The following NAALADL2 variants were observed in gnomAD, a reference collection of about 807,000 sequenced individuals.
NAALADL2 encodes the protein N-acetylated alpha-linked acidic dipeptidase like 2, also known as inactive N-acetylated-alpha-linked acidic dipeptidase-like protein 2.
Under a neutral mutation model 87.2 loss-of-function variants are expected in NAALADL2, and 76 were observed. That is an observed-to-expected ratio of 0.87 (90% CI 0.72 to 1.05). NAALADL2 has a LOEUF of 1.05. NAALADL2 is among the 50% of genes least tolerant of loss of function. The pLI is 0.00. For missense variants in NAALADL2, 1,089 were observed against 945.8 expected (o/e 1.15, Z -1.99); for synonymous variants, 354 against 331.0 (o/e 1.07, Z -0.75).
intron 2 of NAALADL2, among the ~76,000 whole-genome samples, chr3:174,674,634 C>T (rs1248867246): frequency 6.6e-6 from 1 of 151,860 alleles, no homozygotes; most frequent in Non-Finnish European, 1.5e-5. Flanking sequence ...CTTATCTACC[C>T]TTTTATTGGG....
intron 11 of NAALADL2, among the ~76,000 whole-genome samples, chr3:175,631,407 C>G (rs769208491): frequency 6.6e-6 from 1 of 150,536 alleles, no homozygotes; most frequent in Non-Finnish European, 1.5e-5. Flanking sequence ...GGGATGTGAA[C>G]TGTGAGTCCT....
At chr3:174,458,767 G>T (rs947165165) in intron 1 of NAALADL2, among the ~76,000 whole-genome samples, 6 of 152,190 alleles carry the variant, frequency 3.9e-5, no homozygotes, top group Non-Finnish European at 8.8e-5. Context: ...TGTTGTGGCT[G>T]CTTCACTGCC....
chr3:175,306,980 A>T (rs932276002), intron 4 of NAALADL2, among the ~76,000 whole-genome samples: 1 of 152,194 alleles, frequency 6.6e-6, no homozygotes, highest in African/African-American at 2.4e-5. Context: ...TGTGATCTCA[A>T]TCTGAATCCT....
At chr3:175,028,184 T>G (rs1189376625) in intron 1 of NAALADL2, among the ~76,000 whole-genome samples, 2 of 152,120 alleles carry the variant, frequency 1.3e-5, no homozygotes, top group Non-Finnish European at 2.9e-5. Flanking sequence ...GAGTCACTGA[T>G]TCTTTCTCCT....
intron 1 of NAALADL2, among the ~76,000 whole-genome samples, chr3:174,905,617 T>A (rs79060236): frequency 0.01 from 1,575 of 152,188 alleles, 37 homozygotes; most frequent in African/African-American, 0.034. Flanking sequence ...CTTCATTCTT[T>A]TATTTCTTCC....
At chr3:174,924,921 G>A (rs1336369764) in intron 1 of NAALADL2, among the ~76,000 whole-genome samples, 1 of 152,058 alleles carries the variant, frequency 6.6e-6, no homozygotes, top group African/African-American at 2.4e-5. Flanking sequence ...GGGGTTGTTT[G>A]TTTTTTTCTT....
At chr3:175,001,809 C>T (rs936542051) in intron 1 of NAALADL2, among the ~76,000 whole-genome samples, 1 of 151,994 alleles carries the variant, frequency 6.6e-6, no homozygotes, top group Non-Finnish European at 1.5e-5. Flanking sequence ...AGCTGAAAAC[C>T]CCAAATCTAA....
chr3:174,602,392 T>C (rs564316468), intron 2 of NAALADL2, among the ~76,000 whole-genome samples: 37 of 152,190 alleles, frequency 2.4e-4, no homozygotes, highest in Non-Finnish European at 3.8e-4. Context: ...GAGATTACTT[T>C]CTTGGCTTCT....
At chr3:174,811,125 G>A (rs2109295478) in intron 3 of NAALADL2, among the ~76,000 whole-genome samples, 1 of 152,318 alleles carries the variant, frequency 6.6e-6, no homozygotes, top group East Asian at 1.9e-4. Flanking sequence ...GGCAGAAACT[G>A]GCTTCAGGGG....
At chr3:175,134,433 G>A (rs534834737) in intron 2 of NAALADL2, among the ~76,000 whole-genome samples, 1 of 88,664 alleles carries the variant, frequency 1.1e-5, no homozygotes, top group Admixed American at 1.1e-4. Flanking sequence ...CAGCTTTTTT[G>A]GGGGGGTCCT....
intron 1 of NAALADL2, among the ~76,000 whole-genome samples, chr3:175,048,429 G>C (rs999065402): frequency 6.6e-6 from 1 of 151,894 alleles, no homozygotes; most frequent in Non-Finnish European, 1.5e-5. Flanking sequence ...TAATGTTTTC[G>C]GTGTGCTTGC....
At chr3:175,561,410 C>T (rs1030866847) in intron 9 of NAALADL2, among the ~76,000 whole-genome samples, 13 of 152,116 alleles carry the variant, frequency 8.5e-5, no homozygotes, top group African/African-American at 3.1e-4. Flanking sequence ...AATATTTTTT[C>T]AAATATTTTT....
chr3:175,635,676 A>T (rs377657053), intron 11 of NAALADL2, among the ~76,000 whole-genome samples: 13 of 152,092 alleles, frequency 8.5e-5, no homozygotes, highest in Admixed American at 7.9e-4. Context: ...TATTTTAGGG[A>T]TCTGTCAATA....
At chr3:174,597,451 G>T (rs751775047) in intron 2 of NAALADL2, among the ~76,000 whole-genome samples, 1 of 152,206 alleles carries the variant, frequency 6.6e-6, no homozygotes. Flanking sequence ...GAACTCTCCT[G>T]AAATCTATGT....
chr3:175,266,251 C>T (rs1751915367), intron 4 of NAALADL2, among the ~76,000 whole-genome samples: 3 of 150,996 alleles, frequency 2.0e-5, no homozygotes, highest in African/African-American at 7.2e-5. Context: ...CATCTAACAT[C>T]TTAATTATTT....
At chr3:174,678,165 C>G (rs16863259) in intron 2 of NAALADL2, among the ~76,000 whole-genome samples, 2 of 152,064 alleles carry the variant, frequency 1.3e-5, no homozygotes, top group Non-Finnish European at 2.9e-5. Context: ...CTGCTTTACA[C>G]ACACTACCTT....
chr3:174,881,584 T>C (rs1729201203), intron 1 of NAALADL2, among the ~76,000 whole-genome samples: 1 of 152,108 alleles, frequency 6.6e-6, no homozygotes, highest in African/African-American at 2.4e-5. Context: ...TTTATGTTTG[T>C]TGGTTTATTA....
chr3:175,343,670 T>TTTTTTTTTTTTTTTTTTTTTTTTTTTTTA (rs1762826213), intron 5 of NAALADL2, among the ~76,000 whole-genome samples: 1 of 144,726 alleles, frequency 6.9e-6, no homozygotes, highest in African/African-American at 2.5e-5. Context: ...TTTTTTTTTT[T>TTTTTTTTTTTTTTTTTTTTTTTTTTTTTA]TTTTTTCCCT....
intron 9 of NAALADL2, among the ~76,000 whole-genome samples, chr3:175,544,234 T>C (rs1051881461): frequency 3.3e-5 from 5 of 152,290 alleles, no homozygotes; most frequent in Middle Eastern, 3.4e-3. Context: ...CCTTGATGAG[T>C]AAATTATTTT....
Sources: gnomAD v4.1 joint callset for allele counts (sites outside exome capture counted in the v4.1 genomes callset) on GRCh38, gnomAD v4.1.1 for gene constraint, MANE v1.5 for transcripts, NCBI Gene and HGNC (gene_info 2026-07-23, HGNC 2026-07-21) for gene names.